RORA: variants seen among roughly 807,000 people sequenced by gnomAD.
RORA encodes RAR related orphan receptor A.
A neutral mutation model predicts 69.5 loss-of-function variants in RORA; 7 were observed. The ratio of observed to expected loss-of-function variants is 0.10; its 90% CI spans 0.06 to 0.19. The LOEUF (loss-of-function observed/expected upper bound fraction) is 0.19. Ranked by LOEUF, RORA falls within the 10% of genes least tolerant of loss-of-function variation. The pLI, the probability that RORA is intolerant of heterozygous loss-of-function variation, is 1.00. For missense variants in RORA, 457 were observed against 663.0 expected (o/e 0.69, Z 3.41); for synonymous variants, 261 against 240.8 (o/e 1.08, Z -0.78).
At chr15:61,027,926 C>T (rs1234131683) in intron 1 of RORA, among the ~76,000 whole-genome samples, 1 of 152,198 alleles carries the variant, frequency 6.6e-6, no homozygotes, top group Non-Finnish European at 1.5e-5. Context: ...CTGTGAGTAC[C>T]TAACCCACAG....
intron 1 of RORA, among the ~76,000 whole-genome samples, chr15:61,076,720 C>A (rs760802006): frequency 1.6e-4 from 25 of 152,178 alleles, no homozygotes; most frequent in Non-Finnish European, 2.6e-4. Flanking sequence ...AATTCTAAAG[C>A]CAGATTGGGC....
intron 1 of RORA, among the ~76,000 whole-genome samples, chr15:61,215,942 T>C (rs1205587592): frequency 6.6e-6 from 1 of 152,244 alleles, no homozygotes; most frequent in African/African-American, 2.4e-5. Context: ...TACCGCATAT[T>C]AGAATCGGCT....
chr15:60,644,532 T>G (rs927328593), intron 2 of RORA, among the ~76,000 whole-genome samples: 2 of 152,254 alleles, frequency 1.3e-5, no homozygotes, highest in African/African-American at 4.8e-5. Context: ...TATGGAATAT[T>G]TTTAAAACGG....
In RORA at chr15:60,708,522, A is replaced by G. The variant is rs111672192; in HGVS notation, c.167-29836T>C. 3.3e-3 allele frequency among the ~76,000 whole-genome samples: 502 copies of G among 152,260 alleles called. 3 individuals are homozygous for G. The highest frequency in any genetic ancestry group is 0.012 in the African/African-American group (481 of 41,546). The stretch of plus-strand genomic sequence containing the variant: ...GAGTTCTTTGTCATTTTATGCCTGT[A>G]TGTGTGTCCCAGGGTGGGTGGGAGA... On this transcript the variant is annotated intron_variant, in intron 1 of 10. Transcript: ENST00000335670.
intron 2 of RORA, among the ~76,000 whole-genome samples, chr15:60,662,219 A>G (rs1423898225): frequency 2.0e-5 from 3 of 152,238 alleles, no homozygotes; most frequent in Non-Finnish European, 2.9e-5. Context: ...GATAGCCACC[A>G]CTAATCTCCT....
chr15:60,618,259 C>T (rs3784610), intron 2 of RORA, among the ~76,000 whole-genome samples: 1 of 152,006 alleles, frequency 6.6e-6, no homozygotes, highest in South Asian at 2.1e-4. Flanking sequence ...GCTTGGGTAC[C>T]AGCATTCAAG....
At chr15:60,591,611 C>A (rs1467734790) in intron 2 of RORA, among the ~76,000 whole-genome samples, 1 of 152,152 alleles carries the variant, frequency 6.6e-6, no homozygotes, top group African/African-American at 2.4e-5. Context: ...CGTCGGCCCT[C>A]ACCACGGTCT....
At position 60,534,128 on chromosome 15, in the gene RORA, T is replaced by G. The variant is rs1210197033; in HGVS notation, c.197-2277A>C. 6.6e-6 allele frequency among the ~76,000 whole-genome samples: 1 copy of G among 152,124 alleles called. No homozygotes were observed. Among genetic ancestry groups the G allele is most frequent in the Non-Finnish European group, 1.5e-5 (1 of 68,020 alleles). On this transcript the variant is annotated intron_variant, in intron 2 of 10. Coordinates refer to ENST00000335670, the MANE Select transcript of RORA (RefSeq NM_134261.3). This position sits in a 1 kb window ranked among gnomAD's most constrained non-coding sequence, Gnocchi z 5.0. ...CTGTACAGTCGGCCTGGACTCACAG[T>G]GGATTACTAATTAGAAGTGAAGCAA...
At chr15:61,004,255 A>AGAGAGG (rs1894839057) in intron 1 of RORA, among the ~76,000 whole-genome samples, 2 of 151,002 alleles carry the variant, frequency 1.3e-5, no homozygotes, top group East Asian at 1.9e-4. Flanking sequence ...GGGGAGAGAG[A>AGAGAGG]GGAGAGAGAA....
At chr15:60,930,798 T>G (rs1892351965) in intron 1 of RORA, among the ~76,000 whole-genome samples, 2 of 152,158 alleles carry the variant, frequency 1.3e-5, no homozygotes, top group Non-Finnish European at 2.9e-5. Flanking sequence ...CCTGTAGACT[T>G]TGAGGTCCGT....
At position 61,131,065 on chromosome 15, in the gene RORA, C is replaced by G. The variant is rs1164052412; in HGVS notation, c.166+97988G>C. 6.6e-6 allele frequency among the ~76,000 whole-genome samples: 1 copy of G among 152,100 alleles called. No homozygotes were observed. Among genetic ancestry groups the G allele is most frequent in the Non-Finnish European group, 1.5e-5 (1 of 68,034 alleles). The stretch of plus-strand genomic sequence containing the variant: ...TACAGTTCAGACGATGCACCTACTA[C>G]TCAGCCCTCTGTAATATCCAGTGAG... On this transcript the variant is annotated intron_variant, in intron 1 of 10. Coordinates refer to ENST00000335670, the MANE Select transcript of RORA (RefSeq NM_134261.3). The surrounding 1 kb of genome is among the most constrained non-coding windows in gnomAD (Gnocchi z 4.2).
At chr15:61,187,911 G>C (rs1350307339) in intron 1 of RORA, among the ~76,000 whole-genome samples, 1 of 151,986 alleles carries the variant, frequency 6.6e-6, no homozygotes, top group Non-Finnish European at 1.5e-5. Flanking sequence ...TCCTAAGGCA[G>C]AAATTTAAAG....
intron 1 of RORA, among the ~76,000 whole-genome samples, chr15:61,116,312 C>A (rs2079050557): frequency 6.6e-6 from 1 of 152,130 alleles, no homozygotes; most frequent in South Asian, 2.1e-4. Context: ...CAACCGTCAG[C>A]CCAGTTTTAG....
chr15:60,625,914 T>C (rs1802757464), intron 2 of RORA, among the ~76,000 whole-genome samples: 1 of 152,242 alleles, frequency 6.6e-6, no homozygotes, highest in Admixed American at 6.5e-5. Flanking sequence ...ATAATGCTAA[T>C]GGTGTATGAA....
chr15:60,654,379 A>C (rs572772436), intron 2 of RORA, among the ~76,000 whole-genome samples: 1 of 152,218 alleles, frequency 6.6e-6, no homozygotes, highest in Non-Finnish European at 1.5e-5. Flanking sequence ...CTGAAACTGC[A>C]TGACTAGAAT....
rs753594193 is a variant in RORA, at chr15:60,627,264, G to A, written c.196+51393C>T. On this transcript the variant is annotated intron_variant, in intron 2 of 10. Coordinates refer to ENST00000335670, the MANE Select transcript of RORA (RefSeq NM_134261.3). ...TTCTGGCTCCTTCACCTGCAGGTGT[G>A]GGTGTGGCAGACATTCTGGCCTGTC... 3.7e-6 allele frequency: 6 copies of A among 1,614,196 alleles called. No homozygotes were observed. The East Asian group carries it at 1.1e-4, about 30-fold the overall frequency.
chr15:60,562,092 T>C (rs1189513052), intron 2 of RORA, among the ~76,000 whole-genome samples: 1 of 151,946 alleles, frequency 6.6e-6, no homozygotes, highest in Non-Finnish European at 1.5e-5. Context: ...TACAGGCGCC[T>C]GCCACCACCA....
chr15:61,047,314 A>C (rs1383105599), intron 1 of RORA, among the ~76,000 whole-genome samples: 4 of 152,242 alleles, frequency 2.6e-5, no homozygotes, highest in African/African-American at 9.6e-5. Flanking sequence ...CAGACTGACC[A>C]GGGGACTGAT....
At chr15:60,524,403 G>A (rs886584613) in intron 3 of RORA, among the ~76,000 whole-genome samples, 2 of 152,132 alleles carry the variant, frequency 1.3e-5, no homozygotes, top group African/African-American at 2.4e-5. Flanking sequence ...CCACATGTCC[G>A]GGCAGCTCTT....
Sources: gnomAD v4.1 joint callset for allele counts (sites outside exome capture counted in the v4.1 genomes callset) on GRCh38, gnomAD v4.1.1 for gene constraint, Gnocchi (gnomAD v3.1) non-coding constraint, MANE v1.5 for transcripts, NCBI Gene and HGNC (gene_info 2026-07-23, HGNC 2026-07-21) for gene names.